Variants in TSPEAR observed in about 807,000 individuals in gnomAD.
TSPEAR encodes the protein thrombospondin type laminin G domain and EAR repeats, also known as thrombospondin-type laminin G domain and EAR repeat-containing protein.
TSPEAR carries 69 observed loss-of-function variants against 71.6 expected under a neutral mutation model. The ratio of observed to expected loss-of-function variants is 0.96; its 90% CI spans 0.79 to 1.18. TSPEAR has a LOEUF of 1.18. Among genes scored for constraint, TSPEAR ranks in the 50% most tolerant of loss-of-function variants. The probability of loss-of-function intolerance (pLI) is 0.00; values close to 1 mark genes in which losing one functional copy is unlikely to be tolerated. For missense variants in TSPEAR, 971 were observed against 894.9 expected (o/e 1.09, Z -1.09); for synonymous variants, 402 against 387.2 (o/e 1.04, Z -0.45).
chr21:44,647,217 C>G (rs376523885), intron 1 of TSPEAR: 4 of 1,613,420 alleles, frequency 2.5e-6, no homozygotes, highest in Non-Finnish European at 3.4e-6. Flanking sequence ...GTGTGCCCGT[C>G]TCCTCCTGCT....
At chr21:44,518,492 G>A (rs2052656551) in intron 9 of TSPEAR, 1 of 389,734 alleles carries the variant, frequency 2.6e-6, no homozygotes, top group Admixed American at 3.2e-5. Flanking sequence ...CCACTGCAGG[G>A]ATCCTTTCTC....
At chr21:44,572,387 G>A (rs2053815058) in intron 1 of TSPEAR, among the ~76,000 whole-genome samples, 1 of 152,134 alleles carries the variant, frequency 6.6e-6, no homozygotes, top group Non-Finnish European at 1.5e-5. Flanking sequence ...AACCTGCGGT[G>A]GTGTCGGGAA....
intron 5 of TSPEAR, among the ~76,000 whole-genome samples, chr21:44,529,432 T>C (rs762338823): frequency 6.6e-6 from 1 of 151,776 alleles, no homozygotes; most frequent in Non-Finnish European, 1.5e-5. Context: ...TGGGGAGAAA[T>C]GGCCCAAACG....
At chr21:44,530,586 T>C (rs1199727270) in intron 4 of TSPEAR, among the ~76,000 whole-genome samples, 1 of 152,232 alleles carries the variant, frequency 6.6e-6, no homozygotes, top group Non-Finnish European at 1.5e-5. Context: ...CATGCATCAA[T>C]AAATATTCAG....
chr21:44,672,911 A>G (rs1036914338), intron 1 of TSPEAR, among the ~76,000 whole-genome samples: 1 of 152,160 alleles, frequency 6.6e-6, no homozygotes, highest in Non-Finnish European at 1.5e-5. Flanking sequence ...TGCCTTTTGC[A>G]TTAATTATAA....
intron 1 of TSPEAR, among the ~76,000 whole-genome samples, chr21:44,698,329 G>A (rs1420243306): frequency 3.3e-5 from 5 of 152,176 alleles, no homozygotes; most frequent in Admixed American, 3.3e-4. Context: ...TGACCAGCCC[G>A]ACAGGAGGCC....
intron 1 of TSPEAR, chr21:44,602,081 TC>T: frequency 2.5e-6 from 1 of 401,408 alleles, no homozygotes; most frequent in Non-Finnish European, 4.7e-6. Flanking sequence ...CGAGCCCTGC[TC>T]CTCCCCTGCT....
chr21:44,649,876 G>A (rs587704207), intron 1 of TSPEAR, among the ~76,000 whole-genome samples: 1 of 152,284 alleles, frequency 6.6e-6, no homozygotes, highest in African/African-American at 2.4e-5. Context: ...AACCCAGGCT[G>A]CTCTCATGGC....
At chr21:44,665,627 C>T (rs1985710709) in intron 1 of TSPEAR, among the ~76,000 whole-genome samples, 1 of 152,202 alleles carries the variant, frequency 6.6e-6, no homozygotes, top group African/African-American at 2.4e-5. Context: ...ACAATCCCAA[C>T]AGTGGCTGCC....
At position 44,695,905 on chromosome 21, in the gene TSPEAR, T is replaced by C. The variant is rs374390898; in HGVS notation, c.82+15528A>G. On this transcript the variant is annotated intron_variant, in intron 1 of 11. Transcript: ENST00000323084. The surrounding 1 kb of genome is among the most constrained non-coding windows in gnomAD (Gnocchi z 4.5). Reference sequence around the variant, plus strand: ...GTCACTGCCTGTGGGCCTGAAGCCCTCCAACTTTCCAGGCAGAGCCAAGCA... The same window carrying C: ...GTCACTGCCTGTGGGCCTGAAGCCCCCCAACTTTCCAGGCAGAGCCAAGCA... Among the ~76,000 whole-genome samples, 8 of 152,028 alleles carry C rather than the reference T, an allele frequency of 5.3e-5. No individual in the cohort carries two copies. The highest frequency in any genetic ancestry group is 1.9e-4 in the African/African-American group (8 of 41,368).
Position 44,547,420 on chromosome 21 carries a change from C to A in TSPEAR, c.304-13497G>T, listed in dbSNP as rs74454903. ...GAAGATTTTCCATTAATTGCTTTCC[C>A]CCCATGAGTAGCTCATATTTCTTCC... On this transcript the variant is annotated intron_variant, in intron 2 of 11. Transcript: ENST00000323084. Among the ~76,000 whole-genome samples, 758 of 152,236 alleles carry A rather than the reference C, an allele frequency of 5.0e-3. 5 individuals carry two copies. Among genetic ancestry groups the A allele is most frequent in the Non-Finnish European group, 7.9e-3 (537 of 68,020 alleles).
chr21:44,509,420 G>T, intron 9 of TSPEAR, 34 bp from the exon 10 acceptor site: 1 of 1,587,196 alleles, frequency 6.3e-7, no homozygotes, highest in South Asian at 1.1e-5. Flanking sequence ...CAGAGGTGTG[G>T]GGGAGCGGGC....
intron 7 of TSPEAR, among the ~76,000 whole-genome samples, chr21:44,527,078 C>T (rs782808562): frequency 2.6e-5 from 4 of 152,240 alleles, no homozygotes; most frequent in Admixed American, 6.5e-5. Flanking sequence ...TCTGGTCGTC[C>T]GTTTTGCGGG....
In TSPEAR at chr21:44,704,473, A is replaced by T. The variant is rs371388658; in HGVS notation, c.82+6960T>A. 4.6e-5 allele frequency among the ~76,000 whole-genome samples: 7 copies of T among 152,380 alleles called. No homozygotes were observed. In the East Asian group the frequency reaches 1.3e-3, roughly 29 times the overall value. ...TGACCTGCCAGAGCTGTTGGCCTCC[A>T]GCTGGCGGGTAAAACCCACGGCCTT... On this transcript the variant is annotated intron_variant, in intron 1 of 11. Transcript: ENST00000323084.
At chr21:44,603,659 C>A (rs192605781) in intron 1 of TSPEAR, among the ~76,000 whole-genome samples, 39 of 152,276 alleles carry the variant, frequency 2.6e-4, no homozygotes, top group African/African-American at 8.2e-4. Context: ...AGAGGAAGGG[C>A]GTGCCAGGGT....
intron 1 of TSPEAR, among the ~76,000 whole-genome samples, chr21:44,703,856 C>T (rs1264405796): frequency 1.3e-5 from 2 of 152,172 alleles, no homozygotes; most frequent in Non-Finnish European, 2.9e-5. Context: ...TCCTCACCTG[C>T]TGTCCCCTCC....
At chr21:44,613,761 G>A (rs1555931786) in intron 1 of TSPEAR, among the ~76,000 whole-genome samples, 1 of 152,178 alleles carries the variant, frequency 6.6e-6, no homozygotes, top group Non-Finnish European at 1.5e-5. Context: ...TGGGTGGAGG[G>A]ATGGGATGGG....
intron 1 of TSPEAR, among the ~76,000 whole-genome samples, chr21:44,594,887 A>G (rs1189954598): frequency 7.1e-6 from 1 of 140,952 alleles, no homozygotes; most frequent in Non-Finnish European, 1.5e-5. Flanking sequence ...CAGTGGTACG[A>G]TCTCAGCTCA....
intron 9 of TSPEAR, among the ~76,000 whole-genome samples, chr21:44,521,247 C>T (rs587725746): frequency 1.9e-4 from 29 of 152,344 alleles, no homozygotes; most frequent in Middle Eastern, 3.4e-3. Context: ...GATGCGCCCC[C>T]ACCTGTCTCG....
Sources: gnomAD v4.1 joint callset for allele counts (sites outside exome capture counted in the v4.1 genomes callset) on GRCh38, gnomAD v4.1.1 for gene constraint, Gnocchi (gnomAD v3.1) non-coding constraint, MANE v1.5 for transcripts, NCBI Gene and HGNC (gene_info 2026-07-23, HGNC 2026-07-21) for gene names.